The following HLCS variants were observed in gnomAD, a reference collection of about 807,000 sequenced individuals.
HLCS encodes the protein biotin--protein ligase.
A neutral mutation model predicts 75.0 loss-of-function variants in HLCS; 53 were observed. That is an observed-to-expected ratio of 0.71 (90% CI 0.57 to 0.89). The LOEUF (loss-of-function observed/expected upper bound fraction) is 0.89, where lower values mean the gene tolerates loss of function less well. Ranked by LOEUF, HLCS falls within the 40% of genes least tolerant of loss-of-function variation. HLCS has a pLI of 0.00. For synonymous variants in HLCS, 431 were observed against 428.6 expected, an observed-to-expected ratio of 1.01 and a Z score of -0.07; for missense variants, 966 against 1,074.0, an observed-to-expected ratio of 0.90 and a Z score of 1.41.
At chr21:36,990,035 C>CTCG (rs2069319737) in intron 1 of HLCS, 1 of 152,238 alleles carries the variant, frequency 6.6e-6, no homozygotes, top group Non-Finnish European at 1.5e-5. Context: ...GCCCCGAGGC[C>CTCG]TCGACTCAGG....
chr21:36,817,350 A>G (rs1179995318), intron 6 of HLCS, among the ~76,000 whole-genome samples: 1 of 152,162 alleles, frequency 6.6e-6, no homozygotes, highest in Non-Finnish European at 1.5e-5. Flanking sequence ...ATGACCCTGC[A>G]TTCACCTTAA....
In HLCS at chr21:36,930,295, G is replaced by A. The variant is rs1393866282; in HGVS notation, c.1576C>T (p.Gln526Ter). 6.2e-7 allele frequency: 1 copy of A among 1,614,150 alleles called. No homozygotes were observed. Residue 526 changes from glutamine (Q) to a stop codon, truncating the protein, a stop_gained, in exon 5 of 11, where the codon CAA becomes TAA. Transcript: ENST00000674895. LOFTEE classifies it high-confidence loss of function. ...TAAAGAGGAGTTAAGGCAGGAACTT[G>A]TTTCATGTCACAGCTGAGGCCAAGG... ...TTLGLSCDMK[Q>*]VPALTPLYLL...
chr21:36,785,463 G>A (rs1472554273), intron 6 of HLCS, among the ~76,000 whole-genome samples: 1 of 151,818 alleles, frequency 6.6e-6, no homozygotes, highest in Non-Finnish European at 1.5e-5. Context: ...CTCTCTGCCT[G>A]TGGGGGCTGA....
rs1049266979 is a variant in HLCS at position 36,966,288 on chromosome 21, C to T, written c.195+156G>A. Among the ~76,000 whole-genome samples the T allele has an allele frequency of 3.9e-5, 6 of 152,268 alleles. No individual in the cohort carries two copies. The South Asian group carries it at 6.2e-4, about 16-fold the overall frequency. ...CCCGCACCTCCGGCCTCTCTCTGGG[C>T]CCCGGGGCAACAGCCCCTCCCGGGC... On this transcript the variant is annotated intron_variant, in intron 1 of 10. Transcript: ENST00000674895.
At chr21:36,795,728 G>A (rs774402316) in intron 6 of HLCS, among the ~76,000 whole-genome samples, 5 of 152,236 alleles carry the variant, frequency 3.3e-5, no homozygotes, top group Non-Finnish European at 7.3e-5. Context: ...CTGTGGACAA[G>A]CTCTGTTTCC....
At chr21:36,786,518 A>T (rs1443554144) in intron 6 of HLCS, among the ~76,000 whole-genome samples, 3 of 152,242 alleles carry the variant, frequency 2.0e-5, no homozygotes, top group East Asian at 3.8e-4. Flanking sequence ...TTAATGAGTA[A>T]GGGAATATCA....
chr21:36,958,051 C>T (rs2068064012), intron 2 of HLCS, among the ~76,000 whole-genome samples: 1 of 151,386 alleles, frequency 6.6e-6, no homozygotes, highest in Admixed American at 6.6e-5. Flanking sequence ...CATGGTGAAA[C>T]ACCGTCTCTA....
upstream of HLCS, among the ~76,000 whole-genome samples, chr21:36,967,739 T>A (rs1021154874): frequency 3.3e-5 from 5 of 152,234 alleles, no homozygotes; most frequent in African/African-American, 1.2e-4. Context: ...TGTTTGTTTT[T>A]GAGACAGTCT....
chr21:36,893,535 G>C (rs2064880519), intron 6 of HLCS, among the ~76,000 whole-genome samples: 1 of 152,086 alleles, frequency 6.6e-6, no homozygotes, highest in South Asian at 2.1e-4. Context: ...TTGGCACCAG[G>C]GTCCGGTTTT....
intron 6 of HLCS, among the ~76,000 whole-genome samples, chr21:36,835,832 T>C (rs2062390599): frequency 6.6e-6 from 1 of 152,096 alleles, no homozygotes; most frequent in Non-Finnish European, 1.5e-5. Context: ...CATGAGAACA[T>C]TCCTTCGGGC....
chr21:36,843,901 G>A (rs1043357968), intron 6 of HLCS, among the ~76,000 whole-genome samples: 2 of 152,122 alleles, frequency 1.3e-5, no homozygotes, highest in African/African-American at 4.8e-5. Context: ...CCAGCTGTTG[G>A]GAAGGCTGAG....
chr21:36,979,232 A>G (rs2069034688), intron 1 of HLCS, among the ~76,000 whole-genome samples: 1 of 151,534 alleles, frequency 6.6e-6, no homozygotes, highest in Non-Finnish European at 1.5e-5. Context: ...AGATCGCGCC[A>G]CTGCCCTCCA....
At chr21:36,838,679 G>A (rs974568811) in intron 6 of HLCS, among the ~76,000 whole-genome samples, 13 of 151,036 alleles carry the variant, frequency 8.6e-5, no homozygotes, top group African/African-American at 2.9e-4. Flanking sequence ...ACTCCAGCCT[G>A]GGCGACAGAG....
At chr21:36,784,278 T>C (rs1045123621) in intron 6 of HLCS, among the ~76,000 whole-genome samples, 10 of 151,072 alleles carry the variant, frequency 6.6e-5, no homozygotes, top group African/African-American at 1.9e-4. Flanking sequence ...TTTGCTTTTA[T>C]CAAAACAGAA....
At chr21:36,844,749 A>G (rs1289185151) in intron 6 of HLCS, among the ~76,000 whole-genome samples, 1 of 152,046 alleles carries the variant, frequency 6.6e-6, no homozygotes, top group Non-Finnish European at 1.5e-5. Flanking sequence ...ATATATTGGA[A>G]AATGTATTCA....
At chr21:36,908,769 G>C (rs2065571720) in intron 5 of HLCS, among the ~76,000 whole-genome samples, 1 of 152,038 alleles carries the variant, frequency 6.6e-6, no homozygotes, top group Non-Finnish European at 1.5e-5. Flanking sequence ...AAAAAAGAAG[G>C]GTATCCAGTA....
At chr21:36,857,210 C>G (rs958907440) in intron 6 of HLCS, among the ~76,000 whole-genome samples, 2 of 152,196 alleles carry the variant, frequency 1.3e-5, no homozygotes, top group Non-Finnish European at 2.9e-5. Context: ...TTTCAAAACC[C>G]AAGCCACACC....
rs531846212 is a variant in HLCS, at chr21:36,869,573, A to G, written c.1892+27287T>C. On this transcript the variant is annotated intron_variant, in intron 6 of 10. Coordinates refer to ENST00000674895, the MANE Select transcript of HLCS (RefSeq NM_001352514.2). ...CATACTTTCAAAATGCCCTTTGCTT[A>G]TTAAAAAGCACTGTGAGAACACAGA... is the stretch of plus-strand genomic sequence containing the variant. Among the ~76,000 whole-genome samples the G allele has an allele frequency of 2.6e-5, 4 of 152,354 alleles. No homozygotes were observed. The South Asian group carries it at 8.3e-4, about 32-fold the overall frequency.
At position 36,936,813 on chromosome 21, in the gene HLCS, G is replaced by A. The variant is rs142524025; in HGVS notation, c.1073C>T (p.Thr358Met). The change falls in exon 4 of 11, where the codon ACG (threonine) becomes ATG (methionine). Residue 358 changes from threonine (T) to methionine (M), a missense_variant. Thr to Met is a moderately conservative substitution (Grantham distance 81, BLOSUM62 -1). Coordinates refer to ENST00000674895, the MANE Select transcript of HLCS (RefSeq NM_001352514.2). ...AATGACCAACAGCAGACAGTTGTCC[G>A]TCCACGGGTCTCTGAGAGCACTGTC... Reference protein sequence around the residue: ...LEDSALRDPWTDNCLLLVIAT... With the variant: ...LEDSALRDPWMDNCLLLVIAT... 2.1e-4 allele frequency: 340 copies of A among 1,614,032 alleles called. No homozygotes were observed. Among genetic ancestry groups the A allele is most frequent in the East Asian group, 3.6e-4 (16 of 44,894 alleles).
Sources: gnomAD v4.1 joint callset for allele counts (sites outside exome capture counted in the v4.1 genomes callset) on GRCh38, gnomAD v4.1.1 for gene constraint, MANE v1.5 for transcripts, NCBI Gene and HGNC (gene_info 2026-07-23, HGNC 2026-07-21) for gene names.